Variants in RALY observed in about 807,000 individuals in gnomAD.
RALY encodes RNA-binding protein Raly.
In RALY, 15 loss-of-function variants were observed where a neutral mutation model predicts 30.7. The ratio of observed to expected loss-of-function variants is 0.49; its 90% CI spans 0.33 to 0.75. RALY has a LOEUF of 0.75. Among genes scored for constraint, RALY ranks in the 30% least tolerant of loss-of-function variants. RALY has a pLI of 0.02. For missense variants in RALY, 339 were observed against 414.3 expected, an observed-to-expected ratio of 0.82 and a Z score of 1.58; for synonymous variants, 177 against 170.8, an observed-to-expected ratio of 1.04 and a Z score of -0.28.
chr20:34,075,053 T>G (rs2033835253), intron 5 of RALY, among the ~76,000 whole-genome samples: 1 of 152,100 alleles, frequency 6.6e-6, no homozygotes, highest in South Asian at 2.1e-4. Flanking sequence ...TTCTGCCTGG[T>G]CAGCTGGAAA....
chr20:34,011,939 G>C (rs1177532689), intron 1 of RALY, among the ~76,000 whole-genome samples: 1 of 152,080 alleles, frequency 6.6e-6, no homozygotes, highest in Non-Finnish European at 1.5e-5. Flanking sequence ...AGTGGCGCAC[G>C]CCTGTAGTCC....
chr20:34,077,918 C>T (rs1177480868), intron 8 of RALY, among the ~76,000 whole-genome samples: 4 of 152,210 alleles, frequency 2.6e-5, no homozygotes, highest in Non-Finnish European at 4.4e-5. Context: ...GTGAGGAAAT[C>T]GAGGCTCAGA....
chr20:34,070,169 G>T lies in RALY; in HGVS notation c.-9-1897G>T, dbSNP rs534569642. On this transcript the variant is annotated intron_variant, in intron 2 of 9. Coordinates refer to ENST00000246194, the MANE Select transcript of RALY (RefSeq NM_016732.3). ...CCCCAAAATATTAGGTAAATAGGTTGGCAGACTGATGAAAGTTTTTATATA... is the reference window on the plus strand; with the variant it reads ...CCCCAAAATATTAGGTAAATAGGTTTGCAGACTGATGAAAGTTTTTATATA... Among the ~76,000 whole-genome samples, 6 of 152,270 alleles carry T rather than the reference G, an allele frequency of 3.9e-5. No homozygotes were observed. The East Asian group carries it at 5.8e-4, about 15-fold the overall frequency.
intron 2 of RALY, among the ~76,000 whole-genome samples, chr20:34,071,135 C>G (rs1215139600): frequency 6.6e-6 from 1 of 152,060 alleles, no homozygotes; most frequent in Non-Finnish European, 1.5e-5. Context: ...CCCACCAGGC[C>G]CCACCTCCAG....
chr20:34,076,087 A>G (rs1432978243), intron 6 of RALY, 47 bp downstream of exon 6: 2 of 1,572,144 alleles, frequency 1.3e-6, no homozygotes, highest in Non-Finnish European at 1.7e-6. Flanking sequence ...TTTTATCATT[A>G]GCAAAATAAT....
At chr20:34,009,473 T>G (rs1284997483) in intron 1 of RALY, among the ~76,000 whole-genome samples, 1 of 152,106 alleles carries the variant, frequency 6.6e-6, no homozygotes, top group Non-Finnish European at 1.5e-5. Context: ...CCTGACCTTG[T>G]GATCTGCCCG....
At chr20:34,025,442 G>T (rs1205279796) in intron 1 of RALY, among the ~76,000 whole-genome samples, 1 of 151,962 alleles carries the variant, frequency 6.6e-6, no homozygotes, top group Non-Finnish European at 1.5e-5. Flanking sequence ...GGGACTACAG[G>T]CATGCACCAC....
chr20:34,041,166 T>A (rs2032685751), intron 2 of RALY, among the ~76,000 whole-genome samples: 1 of 151,936 alleles, frequency 6.6e-6, no homozygotes, highest in Admixed American at 6.6e-5. Context: ...ATAGAGAGAG[T>A]ATTTCAAGCA....
chr20:34,021,165 TTGGCCAGGC>T (rs1213044521), intron 1 of RALY, among the ~76,000 whole-genome samples: 3 of 152,148 alleles, frequency 2.0e-5, no homozygotes, highest in African/African-American at 7.2e-5. Flanking sequence ...TTTTGCCATG[TTGGCCAGGC>T]TGGTCTTGAA....
chr20:34,036,738 T>C (rs567569987), intron 2 of RALY, among the ~76,000 whole-genome samples: 35 of 152,320 alleles, frequency 2.3e-4, no homozygotes, highest in African/African-American at 7.7e-4. Flanking sequence ...ATTTTCTCTT[T>C]CTTTTTGAGT....
In RALY at chr20:34,077,105, G is replaced by C. The variant is rs1469422917; in HGVS notation, c.736G>C (p.Gly246Arg). ...TGGCAGCGGTGGCGGTGGCAGTGGT[G>C]GTGGCGGTGGCGGTGGCAGCAGCCG... is the stretch of plus-strand genomic sequence containing the variant. ...GGGSGGGGSG[G>R]GGGGGSSRPP... The change falls in exon 8 of 10, where the codon GGT becomes CGT. Residue 246 changes from glycine (G) to arginine (R), a missense_variant. By Grantham distance (125) the Gly-to-Arg change is moderately radical (BLOSUM62 -2). Transcript: ENST00000246194. 2 of 1,596,902 alleles carry C rather than the reference G, an allele frequency of 1.3e-6. No individual in the cohort carries two copies. Among genetic ancestry groups the C allele is most frequent in the Non-Finnish European group, 1.7e-6 (2 of 1,169,768 alleles).
chr20:34,079,273 C>T (rs1034907608), intron 9 of RALY, among the ~76,000 whole-genome samples: 2 of 152,150 alleles, frequency 1.3e-5, no homozygotes, highest in African/African-American at 4.8e-5. Context: ...CTAAAGGGTG[C>T]AGGGAGATAA....
At chr20:34,007,778 C>G (rs2031224373) in intron 1 of RALY, among the ~76,000 whole-genome samples, 2 of 141,076 alleles carry the variant, frequency 1.4e-5, no homozygotes, top group South Asian at 4.6e-4. Context: ...CAAGATCGCA[C>G]CATTGCACTC....
intron 3 of RALY, 128 bp downstream of exon 3, chr20:34,072,458 T>C (rs2033754860): frequency 1.6e-6 from 2 of 1,267,264 alleles, no homozygotes; most frequent in Non-Finnish European, 2.1e-6. Flanking sequence ...ATTTATAAGC[T>C]ATGTTTAAGT....
At chr20:34,043,506 C>G (rs2032771779) in intron 2 of RALY, among the ~76,000 whole-genome samples, 1 of 152,182 alleles carries the variant, frequency 6.6e-6, no homozygotes, top group Non-Finnish European at 1.5e-5. Context: ...CTCTCCATAG[C>G]TTTTAAGACA....
Position 34,064,984 on chromosome 20 carries a change from A to G in RALY, c.-9-7082A>G, listed in dbSNP as rs1342145748. 3 of 152,110 alleles carry G rather than the reference A, an allele frequency of 2.0e-5. 1 individual carries two copies. The highest frequency in any genetic ancestry group is 4.1e-4 in the South Asian group (2 of 4,828). 9.4% of individuals were successfully genotyped at this position (152,110 alleles called of 1,614,324 possible). ...CCTGTCGGACTCTAGGGCCTGAGCT[A>G]TTTTTGCTATTTCATGTGCATTTGT... On this transcript the variant is annotated intron_variant, in intron 2 of 9. Coordinates refer to ENST00000246194, the MANE Select transcript of RALY (RefSeq NM_016732.3).
chr20:34,064,544 G>A (rs540549324), intron 2 of RALY, among the ~76,000 whole-genome samples: 1 of 152,264 alleles, frequency 6.6e-6, no homozygotes, highest in South Asian at 2.1e-4. Flanking sequence ...TGACAGGAAT[G>A]GGGCAGGGAC....
intron 1 of RALY, among the ~76,000 whole-genome samples, chr20:34,021,551 G>A (rs2031822981): frequency 6.6e-6 from 1 of 152,194 alleles, no homozygotes; most frequent in Admixed American, 6.5e-5. Flanking sequence ...TGAAGGCAGA[G>A]CCCTCATGCA....
At chr20:34,000,283 C>T (rs560423327) in intron 1 of RALY, among the ~76,000 whole-genome samples, 1 of 151,980 alleles carries the variant, frequency 6.6e-6, no homozygotes, top group African/African-American at 2.4e-5. Context: ...GTGGGCTGGA[C>T]TAAGGTCCTT....
Sources: allele counts gnomAD v4.1 joint callset (sites outside exome capture counted in the v4.1 genomes callset), GRCh38; gene constraint gnomAD v4.1.1; transcripts MANE v1.5; gene names NCBI Gene and HGNC (gene_info 2026-07-23, HGNC 2026-07-21).